Variants in CLVS1 observed in about 807,000 individuals in gnomAD.
The protein encoded by CLVS1 is clavesin-1.
CLVS1 carries 10 observed loss-of-function variants against 33.1 expected under a neutral mutation model. That is an observed-to-expected ratio of 0.30 (90% CI 0.19 to 0.51). The LOEUF is 0.51. Among genes scored for constraint, CLVS1 ranks in the 20% least tolerant of loss-of-function variants. The pLI, the probability that CLVS1 is intolerant of heterozygous loss-of-function variation, is 0.97. For synonymous variants in CLVS1, 163 were observed against 166.1 expected (o/e 0.98, Z 0.14); for missense variants, 343 against 433.4 (o/e 0.79, Z 1.85).
chr8:61,259,118 A>G (rs1394373983), intron 2 of CLVS1, among the ~76,000 whole-genome samples: 1 of 152,206 alleles, frequency 6.6e-6, no homozygotes, highest in South Asian at 2.1e-4. Flanking sequence ...TTAATATATC[A>G]TCTCTGTTTA....
the CLVS1 span, among the ~76,000 whole-genome samples, chr8:60,965,556 T>C: frequency 6.6e-6 from 1 of 151,870 alleles, no homozygotes; most frequent in African/African-American, 2.4e-5. Context: ...GCACCCCTGA[T>C]GGAGGGCAGG....
intron 2 of CLVS1, among the ~76,000 whole-genome samples, chr8:61,344,767 A>AT (rs903875484): frequency 4.0e-5 from 6 of 151,368 alleles, no homozygotes; most frequent in Admixed American, 6.6e-5. Context: ...AGCTAATTTT[A>AT]TTTTTTTTCT....
the CLVS1 span, among the ~76,000 whole-genome samples, chr8:60,999,453 T>C: frequency 6.6e-6 from 1 of 152,200 alleles, no homozygotes; most frequent in Non-Finnish European, 1.5e-5. Flanking sequence ...CTGCACTTTA[T>C]GAACTGGGAA....
chr8:61,368,380 G>A lies in CLVS1; in HGVS notation c.456-8225G>A, dbSNP rs954884733. On this transcript the variant is annotated intron_variant, in intron 2 of 5. Transcript: ENST00000325897. ...GCCAGGAGTGGTCTGGAGAAACACG[G>A]GCTCTTATTTCCATGCTGTACTTGA... 2.0e-5 allele frequency among the ~76,000 whole-genome samples: 3 copies of A among 152,166 alleles called. No homozygotes were observed. In the South Asian group the frequency reaches 6.2e-4, roughly 32 times the overall value.
At chr8:61,426,647 T>C (rs1815905554) in intron 3 of CLVS1, among the ~76,000 whole-genome samples, 1 of 152,212 alleles carries the variant, frequency 6.6e-6, no homozygotes, top group Admixed American at 6.5e-5. Flanking sequence ...GCGGTCCTAG[T>C]ACCGTCTACC....
chr8:61,281,416 C>T (rs1368025062), intron 2 of CLVS1, among the ~76,000 whole-genome samples: 1 of 152,022 alleles, frequency 6.6e-6, no homozygotes, highest in Non-Finnish European at 1.5e-5. Context: ...GGACTGATAT[C>T]CTCATAAGAA....
intron 3 of CLVS1, among the ~76,000 whole-genome samples, chr8:61,385,493 C>G (rs1467793871): frequency 6.6e-6 from 1 of 152,138 alleles, no homozygotes; most frequent in Non-Finnish European, 1.5e-5. Context: ...CTGCACAGCC[C>G]ACACTCTCTG....
rs533733723 is a variant in CLVS1 at position 61,402,644 on chromosome 8, T to G, written c.630+25865T>G. ...GTGACTCGTTTGTTAACAATTATTG[T>G]GTGCTAACAATATTCTAGGTACTGG... On this transcript the variant is annotated intron_variant, in intron 3 of 5. Transcript: ENST00000325897. Among the ~76,000 whole-genome samples, 4 of 152,340 alleles carry G rather than the reference T, an allele frequency of 2.6e-5. No individual in the cohort carries two copies. In the East Asian group the frequency reaches 5.8e-4, roughly 22 times the overall value.
the CLVS1 span, among the ~76,000 whole-genome samples, chr8:61,037,324 A>G: frequency 2.3e-4 from 35 of 152,182 alleles, no homozygotes; most frequent in Non-Finnish European, 4.3e-4. Context: ...TGCCATTCTT[A>G]CTTTCTATCT....
chr8:61,034,295 T>C, the CLVS1 span, among the ~76,000 whole-genome samples: 1 of 152,224 alleles, frequency 6.6e-6, no homozygotes, highest in Non-Finnish European at 1.5e-5. Context: ...GAAAATGTAA[T>C]GTTATAATAT....
intron 2 of CLVS1, among the ~76,000 whole-genome samples, chr8:61,137,432 A>C (rs1267918379): frequency 1.3e-5 from 2 of 152,178 alleles, no homozygotes; most frequent in Non-Finnish European, 2.9e-5. Context: ...CTGTTTTTCC[A>C]TTTAGAAAAT....
chr8:61,074,373 TATAAG>T lies in CLVS1; in HGVS notation c.-243+17144_-243+17148del, dbSNP rs141660489. ...ATGTGTGTGTGTGTATATATATATA[TATAAG>T]TATATGTGTATATATATATGTTATA... is the stretch of plus-strand genomic sequence containing the variant. On this transcript the variant is annotated intron_variant, in intron 1 of 2. Transcript: ENST00000522621. Among the ~76,000 whole-genome samples the T allele has an allele frequency of 3.1e-3, 200 of 64,796 alleles. 12 individuals carry two copies. Among genetic ancestry groups the T allele is most frequent in the African/African-American group, 0.011 (135 of 12,144 alleles). The allele number at this position is 64,796 out of a possible 152,430, so 42.5% of individuals were successfully genotyped here.
intron 2 of CLVS1, among the ~76,000 whole-genome samples, chr8:61,332,081 A>G (rs1359514649): frequency 1.3e-5 from 2 of 152,196 alleles, no homozygotes; most frequent in East Asian, 1.9e-4. Flanking sequence ...GTTAGTATCT[A>G]TAGGTCTTCA....
intron 2 of CLVS1, among the ~76,000 whole-genome samples, chr8:61,226,180 G>A (rs2129310790): frequency 6.6e-6 from 1 of 152,280 alleles, no homozygotes; most frequent in East Asian, 1.9e-4. Flanking sequence ...GTTGCAAATG[G>A]AGCAGAGATG....
chr8:61,468,065 T>C (rs913493177), intron 5 of CLVS1, among the ~76,000 whole-genome samples: 2 of 151,576 alleles, frequency 1.3e-5, no homozygotes, highest in African/African-American at 4.8e-5. Context: ...AAACATATTT[T>C]AGATTTAATT....
intron 2 of CLVS1, among the ~76,000 whole-genome samples, chr8:61,223,398 GC>G (rs1374201409): frequency 6.6e-6 from 1 of 152,088 alleles, no homozygotes; most frequent in Non-Finnish European, 1.5e-5. Context: ...CTCAGCATTT[GC>G]TTGTCTGGAA....
At chr8:61,105,926 C>T (rs962861385) in intron 1 of CLVS1, among the ~76,000 whole-genome samples, 6 of 152,126 alleles carry the variant, frequency 3.9e-5, no homozygotes, top group African/African-American at 1.4e-4. Flanking sequence ...CCGCTCATGC[C>T]CGCCCTGCGT....
At chr8:61,410,493 T>A (rs1199722192) in intron 3 of CLVS1, among the ~76,000 whole-genome samples, 1 of 152,196 alleles carries the variant, frequency 6.6e-6, no homozygotes. Context: ...GAAATAGAGT[T>A]GATTATCCAA....
chr8:61,435,361 T>G (rs1325017020), intron 3 of CLVS1, among the ~76,000 whole-genome samples: 2 of 152,208 alleles, frequency 1.3e-5, no homozygotes, highest in African/African-American at 4.8e-5. Context: ...CTTGCATTCT[T>G]AAAAGATTTT....
Sources: allele counts gnomAD v4.1 joint callset (sites outside exome capture counted in the v4.1 genomes callset), GRCh38; gene constraint gnomAD v4.1.1; transcripts MANE v1.5; gene names NCBI Gene and HGNC (gene_info 2026-07-23, HGNC 2026-07-21).